BCL2L13: variants seen among roughly 807,000 people sequenced by gnomAD.
BCL2L13 encodes the protein BCL2 like 13, also known as bcl-2-like protein 13.
BCL2L13 carries 13 observed loss-of-function variants against 25.8 expected under a neutral mutation model. The ratio of observed to expected loss-of-function variants is 0.50; its 90% confidence interval spans 0.33 to 0.80. The LOEUF is 0.80. BCL2L13 is among the 30% of genes least tolerant of loss of function. The pLI is 0.02. For synonymous variants in BCL2L13, 244 were observed against 230.3 expected (o/e 1.06, Z -0.54); for missense variants, 504 against 574.9 (o/e 0.88, Z 1.26).
rs184508247 is a variant in BCL2L13, at chr22:17,719,003, C to T, written c.601-7674C>T. Among the ~76,000 whole-genome samples, 907 of 151,560 alleles carry T rather than the reference C, an allele frequency of 6.0e-3. 7 individuals carry two copies. The highest frequency in any genetic ancestry group is 9.3e-3 in the Admixed American group (141 of 15,194). On this transcript the variant is annotated intron_variant, in intron 6 of 6. Transcript: ENST00000317582. ...GTGAAACCCCGTATCTACAAAAATA[C>T]AACAGCCAGGCACAGTGGTGCATGC...
At chr22:17,697,123 G>A (rs571091835) in intron 5 of BCL2L13, among the ~76,000 whole-genome samples, 1 of 151,006 alleles carries the variant, frequency 6.6e-6, no homozygotes, top group South Asian at 2.1e-4. Flanking sequence ...ATATGTCTGT[G>A]GGCAGGTTCT....
rs1176556167 is a variant in BCL2L13, at chr22:17,702,213, G to GT, written c.457-24dup. On this transcript the variant is annotated intron_variant, in intron 5 of 6. Transcript: ENST00000317582. ...AACACATTATAAGAATTTCAGTGTG[G>GT]TTTTTTATTCTCTCATCTTTGCATT... 5.2e-6 allele frequency: 8 copies of GT among 1,549,740 alleles called. No individual in the cohort carries two copies. In the Middle Eastern group the frequency reaches 6.9e-4, roughly 133 times the overall value.
rs908563814 is a variant in BCL2L13 at position 17,728,150 on chromosome 22, G to C, written c.*616G>C. The C allele has an allele frequency of 1.9e-5, 3 of 156,962 alleles. No individual in the cohort carries two copies. The highest frequency in any genetic ancestry group is 7.2e-5 in the African/African-American group (3 of 41,424). The allele number at this position is 156,962 out of a possible 1,614,324, so 9.7% of individuals were successfully genotyped here. A position where few individuals can be genotyped will look rare whatever the true frequency, so the allele number is the denominator to read the frequency against. ...CCCCCGCCCTCATCCTGGAGTGTGA[G>C]GGTGCTCGCCCGTACTCTCAGCTGC... On this transcript the variant is annotated 3_prime_UTR_variant, in exon 7 of 7. Coordinates refer to ENST00000317582, the MANE Select transcript of BCL2L13 (RefSeq NM_015367.4).
intron 2 of BCL2L13, among the ~76,000 whole-genome samples, chr22:17,662,589 A>G (rs978809481): frequency 6.6e-6 from 1 of 152,186 alleles, no homozygotes; most frequent in African/African-American, 2.4e-5. Context: ...TAGGAGGCCG[A>G]GGTGGGCCAA....
intron 1 of BCL2L13, among the ~76,000 whole-genome samples, chr22:17,629,687 A>G (rs1403456724): frequency 6.6e-6 from 1 of 152,130 alleles, no homozygotes; most frequent in Non-Finnish European, 1.5e-5. Flanking sequence ...GTTACCCACC[A>G]TTTTTATTAG....
chr22:17,677,097 A>G (rs1370032171), intron 2 of BCL2L13, among the ~76,000 whole-genome samples: 2 of 152,202 alleles, frequency 1.3e-5, no homozygotes, highest in Non-Finnish European at 2.9e-5. Context: ...AGGCAGGAGG[A>G]TGGCTTGAGC....
intron 2 of BCL2L13, among the ~76,000 whole-genome samples, chr22:17,671,439 C>T (rs1279577965): frequency 2.7e-5 from 4 of 146,960 alleles, no homozygotes; most frequent in East Asian, 2.0e-4. Flanking sequence ...TTGTGGCGGG[C>T]GCCTGTAGTC....
In BCL2L13 at chr22:17,728,451, T is replaced by A. The variant is rs918888543; in HGVS notation, c.*917T>A. 2.6e-5 allele frequency: 4 copies of A among 152,254 alleles called. No homozygotes were observed. The highest frequency in any genetic ancestry group is 9.6e-5 in the African/African-American group (4 of 41,466). 9.4% of individuals were successfully genotyped at this position (152,254 alleles called of 1,614,324 possible). On this transcript the variant is annotated 3_prime_UTR_variant, in exon 7 of 7. Coordinates refer to ENST00000317582, the MANE Select transcript of BCL2L13 (RefSeq NM_015367.4). The stretch of plus-strand genomic sequence containing the variant: ...CAGGAGGATAACCTGGATGACCTTC[T>A]GAGGTCTCTTCAGCCCTTTTCGCTA...
chr22:17,694,565 C>T (rs2060207960), intron 4 of BCL2L13, among the ~76,000 whole-genome samples: 1 of 151,876 alleles, frequency 6.6e-6, no homozygotes, highest in African/African-American at 2.4e-5. Context: ...GTCACCAGTG[C>T]AAATATTTCA....
chr22:17,683,145 A>T (rs2059806430), intron 2 of BCL2L13, 69 bp from the exon 3 acceptor site: 3 of 915,822 alleles, frequency 3.3e-6, no homozygotes, highest in Non-Finnish European at 5.1e-6. Flanking sequence ...AAAAAAAAAA[A>T]AAAGTGCTAT....
intron 1 of BCL2L13, among the ~76,000 whole-genome samples, chr22:17,651,946 T>C (rs12627845): frequency 0.053 from 8,028 of 151,772 alleles, 348 homozygotes; most frequent in African/African-American, 0.12. Context: ...TGCCTTGGCC[T>C]CCCAAAATGC....
intron 2 of BCL2L13, among the ~76,000 whole-genome samples, chr22:17,658,056 G>A (rs941677782): frequency 2.7e-5 from 4 of 150,806 alleles, no homozygotes; most frequent in Non-Finnish European, 4.4e-5. Context: ...TCCTGACCTC[G>A]TGATCCGCCC....
chr22:17,671,834 C>T (rs763231853), intron 2 of BCL2L13, among the ~76,000 whole-genome samples: 1 of 152,178 alleles, frequency 6.6e-6, no homozygotes, highest in South Asian at 2.1e-4. Context: ...ATGCCTCAGC[C>T]TCCTGAGTAG....
chr22:17,695,409 C>T (rs2060235411), intron 4 of BCL2L13, among the ~76,000 whole-genome samples: 1 of 152,104 alleles, frequency 6.6e-6, no homozygotes, highest in South Asian at 2.1e-4. Context: ...GCAATCTCCG[C>T]CTCCCTGGTT....
rs193203466 is a variant in BCL2L13 at position 17,647,986 on chromosome 22, C to T, written c.-50-7676C>T. Among the ~76,000 whole-genome samples, 11 of 152,018 alleles carry T rather than the reference C, an allele frequency of 7.2e-5. No homozygotes were observed. In the East Asian group the frequency reaches 1.4e-3, roughly 19 times the overall value. On this transcript the variant is annotated intron_variant, in intron 1 of 6. Transcript: ENST00000317582. ...CTACTAAAAAATACAAAAAATTATC[C>T]GGGCTTGGTGGCACACCCCTGTAGT...
chr22:17,638,976 A>G (rs1162963473), intron 1 of BCL2L13, 90 bp downstream of exon 1: 1 of 1,060,358 alleles, frequency 9.4e-7, no homozygotes, highest in Non-Finnish European at 1.2e-6. Flanking sequence ...GTATCGAGCC[A>G]CCGACTCCCC....
chr22:17,710,282 G>A (rs2060713464), intron 6 of BCL2L13, among the ~76,000 whole-genome samples: 1 of 150,992 alleles, frequency 6.6e-6, no homozygotes, highest in South Asian at 2.1e-4. Flanking sequence ...AAGACATAAA[G>A]CTATTTAATC....
At chr22:17,664,211 C>G (rs1199770362) in intron 2 of BCL2L13, among the ~76,000 whole-genome samples, 1 of 152,072 alleles carries the variant, frequency 6.6e-6, no homozygotes, top group African/African-American at 2.4e-5. Context: ...TCTCGAACTC[C>G]TGACCTCAGG....
chr22:17,706,885 T>C, intron 6 of BCL2L13: 1 of 1,272,268 alleles, frequency 7.9e-7, no homozygotes, highest in Non-Finnish European at 1.1e-6. Context: ...GTGAAAGATT[T>C]ACTTTTAGAT....
Sources: allele counts gnomAD v4.1 joint callset (sites outside exome capture counted in the v4.1 genomes callset), GRCh38; gene constraint gnomAD v4.1.1; transcripts MANE v1.5; gene names NCBI Gene and HGNC (gene_info 2026-07-23, HGNC 2026-07-21).